GPHN: variants seen among roughly 807,000 people sequenced by gnomAD.
The protein encoded by GPHN is gephyrin.
A neutral mutation model predicts 95.5 loss-of-function variants in GPHN; 17 were observed. The observed-to-expected ratio is 0.18, with a 90% CI of 0.12 to 0.27. The LOEUF is 0.27. Ranked by LOEUF, GPHN falls within the 10% of genes least tolerant of loss-of-function variation. GPHN has a pLI of 1.00. For missense variants in GPHN, 660 were observed against 978.1 expected (o/e 0.67, Z 4.34); for synonymous variants, 320 against 322.5 (o/e 0.99, Z 0.08).
At chr14:67,596,520 C>T in the GPHN span, among the ~76,000 whole-genome samples, 15 of 152,012 alleles carry the variant, frequency 9.9e-5, no homozygotes, top group Admixed American at 7.9e-4. Context: ...TTTTGGACTG[C>T]ATTCCTTGAG....
rs1276473921 is a variant in GPHN at position 66,815,131 on chromosome 14, AG to A, written c.202-9340del. Among the ~76,000 whole-genome samples the A allele has an allele frequency of 2.6e-5, 4 of 152,348 alleles. No individual in the cohort carries two copies. The South Asian group carries it at 8.3e-4, about 32-fold the overall frequency. On this transcript the variant is annotated intron_variant, in intron 3 of 22. Coordinates refer to ENST00000478722, the MANE Select transcript of GPHN (RefSeq NM_020806.5). ...AATAGAAAGGGAAAAAAAGTATGGA[AG>A]GGAATGAACAAAACTTCCAAGAAAT... is the stretch of plus-strand genomic sequence containing the variant.
At chr14:67,506,949 A>C in the GPHN span, among the ~76,000 whole-genome samples, 1 of 152,216 alleles carries the variant, frequency 6.6e-6, no homozygotes, top group African/African-American at 2.4e-5. Context: ...GTGCCACTGC[A>C]TTCCAGCCTG....
chr14:67,413,530 G>A, the GPHN span, among the ~76,000 whole-genome samples: 31 of 152,292 alleles, frequency 2.0e-4, no homozygotes, highest in Admixed American at 1.7e-3. Context: ...TGTGGAAGGC[G>A]GGGGGTGCCT....
chr14:67,147,092 T>A (rs926246554), intron 18 of GPHN, among the ~76,000 whole-genome samples: 19 of 152,036 alleles, frequency 1.2e-4, no homozygotes, highest in Non-Finnish European at 2.2e-4. Context: ...CATAAAAAAA[T>A]TTTCTTTAAT....
intron 17 of GPHN, among the ~76,000 whole-genome samples, chr14:67,131,915 A>C (rs939163277): frequency 1.3e-5 from 2 of 152,168 alleles, no homozygotes; most frequent in African/African-American, 4.8e-5. Flanking sequence ...TGAACTGCCA[A>C]CTTGGACCTT....
At chr14:67,038,040 A>G (rs1176860187) in intron 10 of GPHN, among the ~76,000 whole-genome samples, 2 of 152,098 alleles carry the variant, frequency 1.3e-5, no homozygotes, top group Non-Finnish European at 2.9e-5. Flanking sequence ...TAGCCAAGAT[A>G]TGAAAGTAAT....
the GPHN span, among the ~76,000 whole-genome samples, chr14:67,657,598 G>GCACACACACA: frequency 1.9e-4 from 21 of 112,424 alleles, no homozygotes; most frequent in Admixed American, 1.4e-3. Flanking sequence ...GCGCGCGCGT[G>GCACACACACA]CACACACACA....
At chr14:67,134,953 C>CTTCTTTTTTTTTTTTTTTTTTTTTTT (rs573340363) in intron 17 of GPHN, among the ~76,000 whole-genome samples, 2 of 45,252 alleles carry the variant, frequency 4.4e-5, no homozygotes, top group Non-Finnish European at 8.4e-5. Flanking sequence ...TTTCTTTCTT[C>CTTCTTTTTTTTTTTTTTTTTTTTTTT]TTTTTTTTTT....
chr14:67,702,528 A>G, the GPHN span, among the ~76,000 whole-genome samples: 3 of 152,228 alleles, frequency 2.0e-5, no homozygotes, highest in Non-Finnish European at 4.4e-5. Flanking sequence ...ATATTTAATA[A>G]GACAAGTATA....
intron 1 of GPHN, among the ~76,000 whole-genome samples, chr14:66,544,864 G>T (rs967738258): frequency 2.0e-5 from 3 of 151,986 alleles, no homozygotes; most frequent in Admixed American, 2.0e-4. Flanking sequence ...ATTTAACCCT[G>T]AGTGGACACA....
the GPHN span, chr14:67,578,093 C>T: frequency 1.2e-6 from 2 of 1,613,744 alleles, no homozygotes; most frequent in South Asian, 2.2e-5. This position sits in a 1 kb window ranked among gnomAD's most constrained non-coding sequence, Gnocchi z 5.0. Flanking sequence ...CTGGCCCAGA[C>T]CGCACTGCAG....
rs140363364 is a variant in GPHN at position 66,693,055 on chromosome 14, C to T, written c.143+11870C>T. 6.2e-3 allele frequency among the ~76,000 whole-genome samples: 939 copies of T among 151,912 alleles called. 10 individuals are homozygous for T. Among genetic ancestry groups the T allele is most frequent in the Non-Finnish European group, 7.7e-3 (523 of 67,892 alleles). ...ACATAAAATATAAATAAGCCCACTACATATTAAAATAAATAATATAATGAA... is the reference window on the plus strand; with the variant it reads ...ACATAAAATATAAATAAGCCCACTATATATTAAAATAAATAATATAATGAA... On this transcript the variant is annotated intron_variant, in intron 2 of 22. Coordinates refer to ENST00000478722, the MANE Select transcript of GPHN (RefSeq NM_020806.5).
intron 8 of GPHN, among the ~76,000 whole-genome samples, chr14:66,960,181 A>G (rs1165994699): frequency 6.6e-6 from 1 of 151,452 alleles, no homozygotes; most frequent in Admixed American, 6.6e-5. Flanking sequence ...TAGCTCTTTC[A>G]GCTAAACTTT....
At chr14:66,683,361 T>TGTGTTC (rs1332431980) in intron 2 of GPHN, among the ~76,000 whole-genome samples, 1 of 84,960 alleles carries the variant, frequency 1.2e-5, no homozygotes, top group Non-Finnish European at 2.1e-5. Flanking sequence ...TATATATATA[T>TGTGTTC]ATATATATAT....
intron 17 of GPHN, among the ~76,000 whole-genome samples, chr14:67,128,189 A>T (rs2079450333): frequency 6.6e-6 from 1 of 152,302 alleles, no homozygotes; most frequent in East Asian, 1.9e-4. Context: ...TGAAACTAGT[A>T]AAGCCTAGAT....
chr14:67,374,264 GA>G, the GPHN span, among the ~76,000 whole-genome samples: 1 of 152,130 alleles, frequency 6.6e-6, no homozygotes, highest in Non-Finnish European at 1.5e-5. Context: ...TCCAAAATCT[GA>G]AATCCAAAAC....
the GPHN span, among the ~76,000 whole-genome samples, chr14:67,427,925 C>CT: frequency 0.33 from 47,480 of 142,162 alleles, 8,018 homozygotes; most frequent in African/African-American, 0.4. Context: ...CGACAATGCC[C>CT]TTTTTTTTTT....
intron 1 of GPHN, among the ~76,000 whole-genome samples, chr14:66,634,165 G>A (rs1035258865): frequency 6.6e-6 from 1 of 151,998 alleles, no homozygotes; most frequent in Non-Finnish European, 1.5e-5. Context: ...GAGGTGTCAT[G>A]TTTCCCTGCC....
chr14:67,169,682 T>G (rs2082486951), intron 21 of GPHN, among the ~76,000 whole-genome samples: 1 of 152,276 alleles, frequency 6.6e-6, no homozygotes, highest in Non-Finnish European at 1.5e-5. Flanking sequence ...CTTAGCAGTA[T>G]AAACTACAGT....
Sources: gnomAD v4.1 joint callset for allele counts (sites outside exome capture counted in the v4.1 genomes callset) on GRCh38, gnomAD v4.1.1 for gene constraint, Gnocchi (gnomAD v3.1) non-coding constraint, MANE v1.5 for transcripts, NCBI Gene and HGNC (gene_info 2026-07-23, HGNC 2026-07-21) for gene names.